The following TAF2 variants were observed in gnomAD, a reference collection of about 807,000 sequenced individuals.
TAF2 encodes the protein transcription initiation factor TFIID subunit 2.
TAF2 carries 61 observed loss-of-function variants against 138.5 expected under a neutral mutation model. The observed-to-expected ratio is 0.44, with a 90% CI of 0.36 to 0.54. The LOEUF (loss-of-function observed/expected upper bound fraction) is 0.54, where lower values mean the gene tolerates loss of function less well. TAF2 is among the 20% of genes least tolerant of loss of function. The pLI is 0.00. For missense variants in TAF2, 1,090 were observed against 1,427.9 expected, an observed-to-expected ratio of 0.76 and a Z score of 3.81; for synonymous variants, 475 against 469.9, an observed-to-expected ratio of 1.01 and a Z score of -0.14.
At chr8:119,773,216 ATT>A (rs1209507281) in intron 18 of TAF2, among the ~76,000 whole-genome samples, 1 of 151,414 alleles carries the variant, frequency 6.6e-6, no homozygotes, top group Admixed American at 6.8e-5. Flanking sequence ...TAAGTAGATT[ATT>A]CTTTTCCAAA....
At chr8:119,742,213 GAA>G (rs1396011732) in intron 25 of TAF2, among the ~76,000 whole-genome samples, 1 of 152,134 alleles carries the variant, frequency 6.6e-6, no homozygotes, top group Non-Finnish European at 1.5e-5. Flanking sequence ...GCATGGCAAA[GAA>G]AGAGCAAAAT....
intron 21 of TAF2, 138 bp from the exon 22 acceptor site, chr8:119,756,253 GTGTT>G: frequency 1.5e-6 from 1 of 665,468 alleles, no homozygotes; most frequent in Non-Finnish European, 2.7e-6. Context: ...ATCTAGCTCT[GTGTT>G]TATTTAGTTT....
intron 2 of TAF2, among the ~76,000 whole-genome samples, chr8:119,820,763 G>A (rs1825761362): frequency 6.6e-6 from 1 of 152,146 alleles, no homozygotes; most frequent in Non-Finnish European, 1.5e-5. Context: ...CAATTCCCAA[G>A]TAAGAGGAGA....
intron 18 of TAF2, among the ~76,000 whole-genome samples, chr8:119,766,419 T>A (rs1192303824): frequency 6.6e-6 from 1 of 152,178 alleles, no homozygotes; most frequent in Non-Finnish European, 1.5e-5. Flanking sequence ...TGAGAAAACC[T>A]GTTATACATG....
At chr8:119,784,109 G>C (rs1011287840) in intron 15 of TAF2, among the ~76,000 whole-genome samples, 1 of 152,174 alleles carries the variant, frequency 6.6e-6, no homozygotes, top group South Asian at 2.1e-4. Context: ...TTATTTTCAT[G>C]TATTTCTCAA....
intron 2 of TAF2, among the ~76,000 whole-genome samples, chr8:119,831,464 T>C (rs1456137841): frequency 6.6e-6 from 1 of 151,714 alleles, no homozygotes. Flanking sequence ...AATTAGGAAA[T>C]TGAAAAAAAA....
At chr8:119,794,809 G>C (rs1440859999) in intron 9 of TAF2, among the ~76,000 whole-genome samples, 4 of 152,064 alleles carry the variant, frequency 2.6e-5, no homozygotes, top group Non-Finnish European at 5.9e-5. Context: ...TGAAGTCTTC[G>C]AAAATTAACT....
At chr8:119,811,663 G>A (rs993411913) in intron 3 of TAF2, among the ~76,000 whole-genome samples, 5 of 151,448 alleles carry the variant, frequency 3.3e-5, no homozygotes, top group African/African-American at 7.3e-5. Flanking sequence ...AAAATTAGCC[G>A]GGCGTGGTGG....
chr8:119,815,708 T>C (rs1825415572), intron 3 of TAF2, among the ~76,000 whole-genome samples: 1 of 152,110 alleles, frequency 6.6e-6, no homozygotes, highest in South Asian at 2.1e-4. Context: ...TAACTTTTTC[T>C]AAGAAAAGAG....
chr8:119,774,084 T>C (rs1035724002), intron 18 of TAF2, among the ~76,000 whole-genome samples: 1 of 151,254 alleles, frequency 6.6e-6, no homozygotes, highest in Non-Finnish European at 1.5e-5. Flanking sequence ...GGCAGAAGAA[T>C]GGCGTGAACC....
rs565334583 is a variant in TAF2 at position 119,815,555 on chromosome 8, G to A, written c.299+3791C>T. On this transcript the variant is annotated intron_variant, in intron 3 of 25. Coordinates refer to ENST00000378164, the MANE Select transcript of TAF2 (RefSeq NM_003184.4). Reference sequence around the variant, plus strand: ...TCCCAAAGTGCTGGGATTTAAAGGCGTGAGCCACTGCACCCGGCCGAGACT... The same window carrying A: ...TCCCAAAGTGCTGGGATTTAAAGGCATGAGCCACTGCACCCGGCCGAGACT... 5.6e-4 allele frequency among the ~76,000 whole-genome samples: 85 copies of A among 151,750 alleles called. 1 individual carries two copies. In the South Asian group the frequency reaches 0.017, roughly 31 times the overall value.
At position 119,797,100 on chromosome 8, in the gene TAF2, T is replaced by A; in HGVS notation, c.981A>T (p.Thr327=). 1 of 1,606,374 alleles carries A rather than the reference T, an allele frequency of 6.2e-7. No individual in the cohort carries two copies. Among genetic ancestry groups the A allele is most frequent in the Non-Finnish European group, 8.5e-7 (1 of 1,173,334 alleles). The change falls in exon 8 of 26, where the codon ACA becomes ACT. Residue 327 remains threonine, a synonymous_variant. Coordinates refer to ENST00000378164, the MANE Select transcript of TAF2 (RefSeq NM_003184.4). ...AAYASMSIFS[T]NLLHSAMIID... ...TAATCATGGCACTGTGTAAAAGATT[T>A]GTGCTGGAATTTAAAAGAGAAGAAA...
Position 119,762,731 on chromosome 8 carries a change from C to T in TAF2, c.2365-123G>A, listed in dbSNP as rs563246098. ...AAATTTTCCCAAAACACAAGCAAGTCCTCTGGTAAACATTCAACTCCACCC... is the reference window on the plus strand; with the variant it reads ...AAATTTTCCCAAAACACAAGCAAGTTCTCTGGTAAACATTCAACTCCACCC... On this transcript the variant is annotated intron_variant, in intron 18 of 25. Coordinates refer to ENST00000378164, the MANE Select transcript of TAF2 (RefSeq NM_003184.4). The T allele has an allele frequency of 6.1e-6, 5 of 825,972 alleles. No individual in the cohort carries two copies. The South Asian group carries it at 7.4e-5, about 12-fold the overall frequency. The allele number at this position is 825,972 out of a possible 1,614,324, so 51.2% of individuals were successfully genotyped here. A position where few individuals can be genotyped will look rare whatever the true frequency, so the allele number is the denominator to read the frequency against.
chr8:119,760,456 A>T (rs1820984687), intron 20 of TAF2, 143 bp downstream of exon 20: 1 of 908,868 alleles, frequency 1.1e-6, no homozygotes, highest in African/African-American at 1.7e-5. Flanking sequence ...ACATTTATCA[A>T]AGATGATTTC....
At chr8:119,776,658 C>T (rs1394869565) in intron 18 of TAF2, among the ~76,000 whole-genome samples, 1 of 152,026 alleles carries the variant, frequency 6.6e-6, no homozygotes, top group Non-Finnish European at 1.5e-5. Context: ...CACTGCACTC[C>T]AGCCTGGGCG....
At chr8:119,780,701 C>T (rs750306547) in intron 17 of TAF2, among the ~76,000 whole-genome samples, 21 of 151,948 alleles carry the variant, frequency 1.4e-4, no homozygotes, top group Non-Finnish European at 2.2e-4. Context: ...TTTGGGAGGC[C>T]GAGGTGGGCG....
intron 22 of TAF2, among the ~76,000 whole-genome samples, chr8:119,753,254 T>C (rs1209250770): frequency 6.6e-6 from 1 of 152,212 alleles, no homozygotes; most frequent in African/African-American, 2.4e-5. Context: ...AATTATGTAA[T>C]ATTTCTTTTT....
chr8:119,793,268 A>G lies in TAF2; in HGVS notation c.1277+98T>C, dbSNP rs1305348614. On this transcript the variant is annotated intron_variant, in intron 10 of 25. Transcript: ENST00000378164. Reference sequence around the variant, plus strand: ...AATAGCAATAAGAAAAAGGTTAAATAAATTCTGAGGTACAATGAAATACTA... The same window carrying G: ...AATAGCAATAAGAAAAAGGTTAAATGAATTCTGAGGTACAATGAAATACTA... The G allele has an allele frequency of 5.7e-6, 6 of 1,045,514 alleles. No homozygotes were observed. In the East Asian group the frequency reaches 1.5e-4, roughly 27 times the overall value. The allele number at this position is 1,045,514 out of a possible 1,614,324, so 64.8% of individuals were successfully genotyped here.
At chr8:119,818,025 T>A (rs1026053946) in intron 3 of TAF2, among the ~76,000 whole-genome samples, 1 of 152,266 alleles carries the variant, frequency 6.6e-6, no homozygotes, top group African/African-American at 2.4e-5. Context: ...CAGGGTTCCC[T>A]GAATTTTTCC....
Sources: allele counts gnomAD v4.1 joint callset (sites outside exome capture counted in the v4.1 genomes callset), GRCh38; gene constraint gnomAD v4.1.1; transcripts MANE v1.5; gene names NCBI Gene and HGNC (gene_info 2026-07-23, HGNC 2026-07-21).